The following KTN1 variants were observed in gnomAD, a reference collection of about 807,000 sequenced individuals.
KTN1 encodes the protein kinectin 1.
Under a neutral mutation model 222.5 loss-of-function variants are expected in KTN1, and 130 were observed. The observed-to-expected ratio is 0.58, with a 90% CI of 0.51 to 0.68. The LOEUF (loss-of-function observed/expected upper bound fraction) is 0.68, where lower values mean the gene tolerates loss of function less well. KTN1 is among the 30% of genes least tolerant of loss of function. The pLI is 0.00. For synonymous variants in KTN1, 512 were observed against 496.3 expected, an observed-to-expected ratio of 1.03 and a Z score of -0.42; for missense variants, 1,508 against 1,500.4, an observed-to-expected ratio of 1.01 and a Z score of -0.08.
intron 18 of KTN1, chr14:55,644,175 ATTG>A (rs1477436578): frequency 2.7e-6 from 1 of 374,616 alleles, no homozygotes; most frequent in African/African-American, 2.1e-5. Context: ...AGTCGTTTTT[ATTG>A]TTGCTGCTAG....
chr14:55,658,348 C>T (rs1032765581), intron 29 of KTN1, among the ~76,000 whole-genome samples, 198 bp from the exon 30 acceptor site: 14 of 152,176 alleles, frequency 9.2e-5, no homozygotes, highest in African/African-American at 3.4e-4. Flanking sequence ...TCCATTGAGA[C>T]ATGCAAACTC....
rs188362897 is a variant in KTN1 at position 55,581,161 on chromosome 14, C to G, written c.-31+807C>G. Among the ~76,000 whole-genome samples, 228 of 152,372 alleles carry G rather than the reference C, an allele frequency of 1.5e-3. 2 individuals are homozygous for G. Among genetic ancestry groups the G allele is most frequent in the Admixed American group, 0.01 (155 of 15,308 alleles). On this transcript the variant is annotated intron_variant, in intron 1 of 43. Coordinates refer to ENST00000395314, the MANE Select transcript of KTN1 (RefSeq NM_001079521.2). ...GGAAGTCTAGAGAAGTCGTCTGGCTCTCAGCCATACGTCTGGTGTGGGATG... is the reference window on the plus strand; with the variant it reads ...GGAAGTCTAGAGAAGTCGTCTGGCTGTCAGCCATACGTCTGGTGTGGGATG...
At chr14:55,656,613 G>A (rs2043504821) in intron 29 of KTN1, among the ~76,000 whole-genome samples, 1 of 151,974 alleles carries the variant, frequency 6.6e-6, no homozygotes, top group African/African-American at 2.4e-5. Context: ...CTACAGGCAT[G>A]CACCACTATG....
chr14:55,666,533 C>T (rs1297666521), intron 33 of KTN1, among the ~76,000 whole-genome samples: 3 of 151,686 alleles, frequency 2.0e-5, no homozygotes, highest in African/African-American at 7.2e-5. Flanking sequence ...TAATTGATAT[C>T]CATTAGACTT....
At chr14:55,674,877 T>C (rs1343525058) in intron 40 of KTN1, 1 of 152,210 alleles carries the variant, frequency 6.6e-6, no homozygotes, top group African/African-American at 2.4e-5. Context: ...TTTGTTTGCC[T>C]GTACGTGCTT....
rs144185200 is a variant in KTN1 at position 55,675,863 on chromosome 14, C to A, written c.3800C>A (p.Thr1267Lys). 5.5e-5 allele frequency: 89 copies of A among 1,612,912 alleles called. No individual in the cohort carries two copies. In the African/African-American group the frequency reaches 1.1e-3, roughly 20 times the overall value. Residue 1267 changes from threonine (T) to lysine (K), a missense_variant, in exon 41 of 44, where the codon ACA becomes AAA. By Grantham distance (78) the Thr-to-Lys change is moderately conservative. Coordinates refer to ENST00000395314, the MANE Select transcript of KTN1 (RefSeq NM_001079521.2). ...LLKAQLNETL[T>K]KLRTEQNERQ... ...AAGGCACAGTTAAATGAAACACTCA[C>A]AAAACTTAGAACTGAACAAAATGAA...
intron 1 of KTN1, among the ~76,000 whole-genome samples, chr14:55,595,484 ATCTT>A (rs1280692839): frequency 1.0e-3 from 157 of 152,302 alleles, no homozygotes; most frequent in Middle Eastern, 3.4e-3. Flanking sequence ...GATAATACAA[ATCTT>A]ACGTTCTGAA....
At chr14:55,655,003 A>G (rs1259153228) in intron 28 of KTN1, among the ~76,000 whole-genome samples, 28 of 151,688 alleles carry the variant, frequency 1.8e-4, no homozygotes, top group Non-Finnish European at 1.5e-5. Flanking sequence ...TTTTTGGGAC[A>G]GAGTCTTTCT....
intron 1 of KTN1, among the ~76,000 whole-genome samples, chr14:55,586,755 C>G (rs745962147): frequency 3.9e-5 from 6 of 151,996 alleles, no homozygotes; most frequent in Admixed American, 3.9e-4. Flanking sequence ...TGAAGTTTTT[C>G]AAGTGGAGAA....
intron 1 of KTN1, among the ~76,000 whole-genome samples, chr14:55,586,909 CTTA>C (rs2033128369): frequency 6.6e-6 from 1 of 152,066 alleles, no homozygotes; most frequent in Non-Finnish European, 1.5e-5. Context: ...CTTGTGTGAT[CTTA>C]TAGACATTTC....
chr14:55,640,108 A>G (rs2041617082), intron 14 of KTN1, 105 bp downstream of exon 14: 3 of 764,380 alleles, frequency 3.9e-6, no homozygotes, highest in Admixed American at 2.4e-5. Context: ...AAAATAGTCT[A>G]GAATTCATTT....
chr14:55,639,239 A>T lies in KTN1; in HGVS notation c.1823+17A>T. 6.3e-7 allele frequency: 1 copy of T among 1,580,382 alleles called. No individual in the cohort carries two copies. Among genetic ancestry groups the T allele is most frequent in the Admixed American group, 1.7e-5 (1 of 59,822 alleles). On this transcript the variant is annotated intron_variant, in intron 13 of 43. Coordinates refer to ENST00000395314, the MANE Select transcript of KTN1 (RefSeq NM_001079521.2). Reference sequence around the variant, plus strand: ...ACATAAAGTGTAAGCCTACCTTTTCACACTCTTATAATTGTGTAGTCACCA... The same window carrying T: ...ACATAAAGTGTAAGCCTACCTTTTCTCACTCTTATAATTGTGTAGTCACCA...
At chr14:55,673,136 A>G in intron 39 of KTN1, 36 bp from the exon 40 acceptor site, 1 of 1,557,158 alleles carries the variant, frequency 6.4e-7, no homozygotes, top group Non-Finnish European at 8.9e-7. Flanking sequence ...GGGCTATCAT[A>G]AGGAGATCAA....
At chr14:55,634,244 A>T (rs1348824477) in intron 8 of KTN1, among the ~76,000 whole-genome samples, 1 of 152,184 alleles carries the variant, frequency 6.6e-6, no homozygotes, top group East Asian at 1.9e-4. Flanking sequence ...TGACTGGCTG[A>T]TTTTTAATAC....
At chr14:55,584,327 T>G (rs117460374) in intron 1 of KTN1, among the ~76,000 whole-genome samples, 2,898 of 152,276 alleles carry the variant, frequency 0.019, 57 homozygotes, top group Middle Eastern at 0.071. Flanking sequence ...GCTCCATCAA[T>G]AAACAAAACA....
Position 55,646,961 on chromosome 14 carries a change from T to A in KTN1, c.2173-12T>A, listed in dbSNP as rs775281070. On this transcript the variant is annotated splice_polypyrimidine_tract_variant and intron_variant, in intron 18 of 43. Transcript: ENST00000395314. ...GGTAAAGTTAAACTTTTTTTGGTGA[T>A]TTTTATTTTAGCCTAATAAGGATGT... is the stretch of plus-strand genomic sequence containing the variant. The A allele has an allele frequency of 1.0e-5, 15 of 1,503,676 alleles. No individual in the cohort carries two copies. The highest frequency in any genetic ancestry group is 3.5e-4 in the Middle Eastern group (2 of 5,782). 93.1% of individuals were successfully genotyped at this position (1,503,676 alleles called of 1,614,324 possible). A position where few individuals can be genotyped will look rare whatever the true frequency, so the allele number is the denominator to read the frequency against.
chr14:55,618,412 CTG>C (rs984721032), intron 4 of KTN1, among the ~76,000 whole-genome samples: 10 of 151,858 alleles, frequency 6.6e-5, no homozygotes, highest in Admixed American at 3.9e-4. Context: ...TAATTCATAA[CTG>C]TTGTTTTTTT....
At chr14:55,659,398 T>A (rs1239045330) in intron 30 of KTN1, among the ~76,000 whole-genome samples, 3 of 151,846 alleles carry the variant, frequency 2.0e-5, no homozygotes, top group African/African-American at 7.2e-5. Context: ...TGTGCTTCCA[T>A]GCACATAGTG....
At position 55,618,025 on chromosome 14, in the gene KTN1, C is replaced by T. The variant is rs1275969668; in HGVS notation, c.723C>T (p.Asp241=). The change falls in exon 4 of 44, where the codon GAC becomes GAT. Residue 241 remains aspartate, a synonymous_variant. Coordinates refer to ENST00000395314, the MANE Select transcript of KTN1 (RefSeq NM_001079521.2). ...ATATTCCTTTGATGGATAATGCTGA[C>T]TCAAGTCCTGTGGTAGATAAGAGAG... The part of the protein sequence containing the change: ...TTYIPLMDNA[D]SSPVVDKREV... 1.2e-6 allele frequency: 2 copies of T among 1,612,486 alleles called. No individual in the cohort carries two copies. The highest frequency in any genetic ancestry group is 2.2e-5 in the South Asian group (2 of 91,010).
Sources: gnomAD v4.1 joint callset for allele counts (sites outside exome capture counted in the v4.1 genomes callset) on GRCh38, gnomAD v4.1.1 for gene constraint, MANE v1.5 for transcripts, NCBI Gene and HGNC (gene_info 2026-07-23, HGNC 2026-07-21) for gene names.